Variants in FAM174B observed in about 807,000 individuals in gnomAD.
FAM174B encodes the protein membrane protein FAM174B.
FAM174B carries 12 observed loss-of-function variants against 10.9 expected under a neutral mutation model. The observed-to-expected ratio is 1.10, with a 90% CI of 0.71 to 1.79. FAM174B has a LOEUF of 1.79. Ranked by LOEUF, FAM174B falls within the 40% of genes most tolerant of loss-of-function variation. The pLI, the probability that FAM174B is intolerant of heterozygous loss-of-function variation, is 0.00. For missense variants in FAM174B, 266 were observed against 233.3 expected (o/e 1.14, Z -0.91); for synonymous variants, 132 against 115.8 (o/e 1.14, Z -0.90).
Position 92,619,066 on chromosome 15 carries a change from T to G in FAM174B, c.*390A>C. On this transcript the variant is annotated 3_prime_UTR_variant, in exon 3 of 3. Coordinates refer to ENST00000327355, the MANE Select transcript of FAM174B (RefSeq NM_207446.3). ...TTCTAAATACACAGTTGGACATCCT[T>G]CAGGCTTGTTTTAGATTCTTGATCC... 1 of 617,650 alleles carries G rather than the reference T, an allele frequency of 1.6e-6. No individual in the cohort carries two copies. The highest frequency in any genetic ancestry group is 2.9e-6 in the Non-Finnish European group (1 of 346,314). The allele number at this position is 617,650 out of a possible 1,614,324, so 38.3% of individuals were successfully genotyped here.
At position 92,619,441 on chromosome 15, in the gene FAM174B, G is replaced by T. The variant is rs1274361050; in HGVS notation, c.*15C>A. 6.2e-7 allele frequency: 1 copy of T among 1,613,908 alleles called. No homozygotes were observed. ...CCAACTTTCCACAGGATGCCACCAG[G>T]CTGGGAAACAGGTTTTACCTAAAAG... On this transcript the variant is annotated 3_prime_UTR_variant, in exon 3 of 3. Transcript: ENST00000327355.
intron 1 of FAM174B, among the ~76,000 whole-genome samples, chr15:92,648,432 C>T (rs1567050240): frequency 6.6e-6 from 1 of 152,176 alleles, no homozygotes; most frequent in Non-Finnish European, 1.5e-5. Flanking sequence ...ACACTGTTTA[C>T]TCAGCCGTGT....
intron 1 of FAM174B, among the ~76,000 whole-genome samples, chr15:92,637,881 G>C (rs570598556): frequency 4.6e-5 from 7 of 152,294 alleles, no homozygotes; most frequent in African/African-American, 1.7e-4. Flanking sequence ...CGCAGCTCAA[G>C]GACAAAGCAC....
chr15:92,629,723 C>T (rs2050778097), intron 2 of FAM174B, among the ~76,000 whole-genome samples: 1 of 152,142 alleles, frequency 6.6e-6, no homozygotes, highest in African/African-American at 2.4e-5. Context: ...GGCTGTGTCT[C>T]CACCCAAATC....
Position 92,617,463 on chromosome 15 carries a change from T to G in FAM174B, c.*1993A>C. 1 of 479,060 alleles carries G rather than the reference T, an allele frequency of 2.1e-6. No individual in the cohort carries two copies. Among genetic ancestry groups the G allele is most frequent in the Non-Finnish European group, 3.6e-6 (1 of 274,556 alleles). The allele number at this position is 479,060 out of a possible 1,614,324, so 29.7% of individuals were successfully genotyped here. A position where few individuals can be genotyped will look rare whatever the true frequency, so the allele number is the denominator to read the frequency against. ...GTACTCATGGTTTGTGTGTAAAGGGTTTTTATTGGAGAGCCTGTGGCGCTG... is the reference window on the plus strand; with the variant it reads ...GTACTCATGGTTTGTGTGTAAAGGGGTTTTATTGGAGAGCCTGTGGCGCTG... On this transcript the variant is annotated 3_prime_UTR_variant, in exon 3 of 3. Transcript: ENST00000327355.
chr15:92,633,801 C>G (rs1010608723), intron 1 of FAM174B, among the ~76,000 whole-genome samples: 3 of 152,166 alleles, frequency 2.0e-5, no homozygotes, highest in Non-Finnish European at 4.4e-5. Context: ...AGATACTTCT[C>G]TCCACCTCCC....
At chr15:92,649,341 G>C (rs931413322) in intron 1 of FAM174B, among the ~76,000 whole-genome samples, 1 of 152,216 alleles carries the variant, frequency 6.6e-6, no homozygotes, top group Non-Finnish European at 1.5e-5. Context: ...GAATTGAGTA[G>C]TCAAGGAGGC....
chr15:92,651,488 A>G (rs1303401425), intron 1 of FAM174B, among the ~76,000 whole-genome samples: 2 of 152,270 alleles, frequency 1.3e-5, no homozygotes, highest in Non-Finnish European at 2.9e-5. Flanking sequence ...AGACACACAG[A>G]TTTATCTGCA....
intron 1 of FAM174B, among the ~76,000 whole-genome samples, chr15:92,634,958 G>A (rs1370003122): frequency 6.6e-6 from 1 of 152,034 alleles, no homozygotes. Flanking sequence ...CTAACACATC[G>A]GCTCTTTGTG....
intron 2 of FAM174B, among the ~76,000 whole-genome samples, chr15:92,620,684 G>GCA (rs919309682): frequency 4.0e-5 from 6 of 151,822 alleles, no homozygotes; most frequent in Middle Eastern, 3.4e-3. Flanking sequence ...GTGTGGTGCT[G>GCA]CACGTCTGTA....
Position 92,619,132 on chromosome 15 carries a change from A to G in FAM174B, c.*324T>C, listed in dbSNP as rs1475586399. The G allele has an allele frequency of 2.9e-6, 2 of 679,864 alleles. No individual in the cohort carries two copies. Among genetic ancestry groups the G allele is most frequent in the East Asian group, 5.4e-5 (2 of 36,946 alleles). 42.1% of individuals were successfully genotyped at this position (679,864 alleles called of 1,614,324 possible). ...CTATTGTCAACAATTGTCTTAAAAA[A>G]ACTTCTTTAAAATCAACATGTTTCT... On this transcript the variant is annotated 3_prime_UTR_variant, in exon 3 of 3. Coordinates refer to ENST00000327355, the MANE Select transcript of FAM174B (RefSeq NM_207446.3).
In FAM174B at chr15:92,655,352, G is replaced by A. The variant is rs371564462; in HGVS notation, c.308C>T (p.Thr103Ile). 2 of 1,586,868 alleles carry A rather than the reference G, an allele frequency of 1.3e-6. No individual in the cohort carries two copies. Among genetic ancestry groups the A allele is most frequent in the Non-Finnish European group, 8.6e-7 (1 of 1,167,354 alleles). The part of the protein sequence containing the change: ...AAVIVAFAFT[T>I]LLIACLLLRV... ...CAGCAGCAGGCAGGCGATGAGGAGGGTGGTAAAGGCGAACGCCACGATCAC... is the reference window on the plus strand; with the variant it reads ...CAGCAGCAGGCAGGCGATGAGGAGGATGGTAAAGGCGAACGCCACGATCAC... The change falls in exon 1 of 3, where the codon ACC (threonine) becomes ATC (isoleucine). Residue 103 changes from threonine (T) to isoleucine (I), a missense_variant. Physicochemically the swap from Thr to Ile is moderately conservative, Grantham distance 89. Transcript: ENST00000327355.
intron 2 of FAM174B, among the ~76,000 whole-genome samples, chr15:92,629,894 C>T (rs2050779387): frequency 6.6e-6 from 1 of 152,178 alleles, no homozygotes; most frequent in Non-Finnish European, 1.5e-5. Flanking sequence ...CCTTCATAAG[C>T]TCTCTTGCCT....
intron 1 of FAM174B, among the ~76,000 whole-genome samples, chr15:92,647,944 T>A (rs1414716142): frequency 6.6e-6 from 1 of 152,196 alleles, no homozygotes; most frequent in Non-Finnish European, 1.5e-5. Flanking sequence ...ACAAGAACCT[T>A]GGTCTCCACA....
chr15:92,624,626 A>G (rs1292043678), intron 2 of FAM174B, among the ~76,000 whole-genome samples: 1 of 152,264 alleles, frequency 6.6e-6, no homozygotes, highest in African/African-American at 2.4e-5. Flanking sequence ...CCGCAGCATT[A>G]CAGTGGAAAT....
At chr15:92,631,422 TATATAATATA>T (rs1290305465) in intron 1 of FAM174B, among the ~76,000 whole-genome samples, 1 of 50,818 alleles carries the variant, frequency 2.0e-5, no homozygotes, top group Middle Eastern at 7.9e-3. Context: ...TAATATATAA[TATATAATATA>T]ATATATTATA....
At chr15:92,634,911 C>G (rs2050843406) in intron 1 of FAM174B, among the ~76,000 whole-genome samples, 1 of 151,634 alleles carries the variant, frequency 6.6e-6, no homozygotes. Context: ...TGCCTTCCAA[C>G]TGGGACATCA....
intron 1 of FAM174B, among the ~76,000 whole-genome samples, chr15:92,638,364 G>A (rs1215327409): frequency 1.3e-5 from 2 of 152,152 alleles, no homozygotes; most frequent in Non-Finnish European, 2.9e-5. Context: ...TCAATGGACT[G>A]TTCACCAGCT....
intron 1 of FAM174B, among the ~76,000 whole-genome samples, chr15:92,637,107 G>A (rs928419452): frequency 2.0e-5 from 3 of 152,206 alleles, no homozygotes; most frequent in Admixed American, 1.3e-4. Flanking sequence ...GAGTGGACGT[G>A]AGCCTGGAGC....
Sources: gnomAD v4.1 joint callset for allele counts (sites outside exome capture counted in the v4.1 genomes callset) on GRCh38, gnomAD v4.1.1 for gene constraint, MANE v1.5 for transcripts, NCBI Gene and HGNC (gene_info 2026-07-23, HGNC 2026-07-21) for gene names.